Variants in NAV2 observed in about 807,000 individuals in gnomAD.
The protein encoded by NAV2 is neuron navigator 2.
A neutral mutation model predicts 223.2 loss-of-function variants in NAV2; 54 were observed. The observed-to-expected ratio is 0.24, with a 90% confidence interval of 0.19 to 0.30. The LOEUF is 0.30. NAV2 is among the 10% of genes least tolerant of loss of function. The pLI, the probability that NAV2 is intolerant of heterozygous loss-of-function variation, is 1.00. For missense variants in NAV2, 2,806 were observed against 3,147.5 expected (o/e 0.89, Z 2.60); for synonymous variants, 1,279 against 1,239.3 (o/e 1.03, Z -0.67).
At chr11:19,363,544 T>G (rs1367411018) in intron 1 of NAV2, among the ~76,000 whole-genome samples, 3 of 152,228 alleles carry the variant, frequency 2.0e-5, no homozygotes, top group Non-Finnish European at 2.9e-5. Context: ...TTGTGATTCA[T>G]TTCTATCCAC....
intron 1 of NAV2, among the ~76,000 whole-genome samples, chr11:19,448,760 A>G (rs1851680028): frequency 1.3e-5 from 2 of 152,236 alleles, no homozygotes; most frequent in South Asian, 4.1e-4. Flanking sequence ...GATATTGCCT[A>G]ACATATAGTT....
chr11:19,802,915 C>T (rs113517611), intron 1 of NAV2, among the ~76,000 whole-genome samples: 10 of 152,248 alleles, frequency 6.6e-5, no homozygotes, highest in African/African-American at 1.4e-4. Context: ...GAAAAACAGA[C>T]AGAGGGGAGC....
chr11:19,508,388 A>G (rs2043184730), intron 1 of NAV2, among the ~76,000 whole-genome samples: 1 of 152,222 alleles, frequency 6.6e-6, no homozygotes, highest in Non-Finnish European at 1.5e-5. Flanking sequence ...AAATAAGCAT[A>G]CAAGCACAAA....
At chr11:19,481,366 C>T (rs572864856) in intron 1 of NAV2, among the ~76,000 whole-genome samples, 16 of 152,192 alleles carry the variant, frequency 1.1e-4, no homozygotes, top group African/African-American at 3.6e-4. Flanking sequence ...CTCAGTGACA[C>T]CCCAGGTGAG....
At chr11:19,972,395 A>T (rs2049326602) in intron 10 of NAV2, among the ~76,000 whole-genome samples, 1 of 152,092 alleles carries the variant, frequency 6.6e-6, no homozygotes, top group African/African-American at 2.4e-5. Flanking sequence ...TCCGATAGTC[A>T]CCTAGTTTTG....
intron 1 of NAV2, among the ~76,000 whole-genome samples, chr11:19,623,482 C>G (rs1270765307): frequency 1.3e-5 from 2 of 152,122 alleles, no homozygotes; most frequent in African/African-American, 4.8e-5. Context: ...TCTTTTTTCT[C>G]TAAACTTCTC....
rs992173683 is a variant in NAV2, at chr11:19,671,640, G to A, written c.76-160844G>A. Among the ~76,000 whole-genome samples the A allele has an allele frequency of 2.0e-5, 3 of 152,186 alleles. 1 individual carries two copies. The South Asian group carries it at 6.2e-4, about 31-fold the overall frequency. On this transcript the variant is annotated intron_variant, in intron 1 of 37. Transcript: ENST00000360655. Reference sequence around the variant, plus strand: ...CTGAGTTTCAACAGTTTAGAGCAGGGGTTGGCAAATTGTTTCCATAAAGGG... The same window carrying A: ...CTGAGTTTCAACAGTTTAGAGCAGGAGTTGGCAAATTGTTTCCATAAAGGG...
At chr11:19,699,833 G>A (rs1590110661) in intron 1 of NAV2, among the ~76,000 whole-genome samples, 1 of 152,298 alleles carries the variant, frequency 6.6e-6, no homozygotes, top group East Asian at 1.9e-4. Flanking sequence ...TGCAAGTAAA[G>A]TGTCTACAGG....
At chr11:20,091,396 A>G (rs2060841235) in intron 27 of NAV2, among the ~76,000 whole-genome samples, 1 of 152,078 alleles carries the variant, frequency 6.6e-6, no homozygotes, top group Non-Finnish European at 1.5e-5. Flanking sequence ...CCCCCTTTGC[A>G]TCCTTGGAAA....
Position 19,552,458 on chromosome 11 carries a change from C to T in NAV2, c.75+201431C>T, listed in dbSNP as rs919692371. On this transcript the variant is annotated intron_variant, in intron 1 of 37. Coordinates refer to the NAV2 transcript ENST00000360655. ...GGAGCCCAGGGCCTGTCCTGCTGGGCCCTGTGGCCACGGGCACAGGAGCCA... is the reference window on the plus strand; with the variant it reads ...GGAGCCCAGGGCCTGTCCTGCTGGGTCCTGTGGCCACGGGCACAGGAGCCA... Among the ~76,000 whole-genome samples, 3 of 152,148 alleles carry T rather than the reference C, an allele frequency of 2.0e-5. 1 individual carries two copies. The highest frequency in any genetic ancestry group is 1.9e-4 in the East Asian group (1 of 5,170).
At chr11:19,614,877 G>C (rs1030843046) in intron 1 of NAV2, among the ~76,000 whole-genome samples, 3 of 152,124 alleles carry the variant, frequency 2.0e-5, no homozygotes, top group Admixed American at 2.0e-4. Flanking sequence ...TGTGCCTTCT[G>C]TTTTCTGGAT....
At chr11:19,517,570 G>A (rs922641148) in intron 1 of NAV2, among the ~76,000 whole-genome samples, 6 of 152,220 alleles carry the variant, frequency 3.9e-5, no homozygotes, top group Non-Finnish European at 1.5e-5. Flanking sequence ...AAGAGGAGGT[G>A]GTTGAGCATC....
chr11:19,415,447 A>G (rs973718232), intron 1 of NAV2, among the ~76,000 whole-genome samples: 3 of 152,226 alleles, frequency 2.0e-5, no homozygotes, highest in African/African-American at 7.2e-5. Flanking sequence ...TTGAGGCAGT[A>G]ATTAATAGCC....
At chr11:19,514,083 C>T (rs1030371910) in intron 1 of NAV2, among the ~76,000 whole-genome samples, 45 of 147,718 alleles carry the variant, frequency 3.0e-4, no homozygotes, top group African/African-American at 1.0e-3. Flanking sequence ...CTACCCTGCC[C>T]CACCATTTCA....
intron 3 of NAV2, among the ~76,000 whole-genome samples, chr11:19,862,774 A>T (rs564746171): frequency 2.4e-4 from 36 of 152,304 alleles, no homozygotes; most frequent in Middle Eastern, 3.4e-3. Flanking sequence ...AGGTGGACAA[A>T]AAAAAGAAGG....
At chr11:19,723,283 T>C (rs1357152761) in intron 1 of NAV2, among the ~76,000 whole-genome samples, 1 of 152,248 alleles carries the variant, frequency 6.6e-6, no homozygotes, top group Non-Finnish European at 1.5e-5. Context: ...TCTGAGCTGA[T>C]ATTATTGAAC....
At chr11:19,576,052 A>G (rs2045562296) in intron 1 of NAV2, among the ~76,000 whole-genome samples, 1 of 152,234 alleles carries the variant, frequency 6.6e-6, no homozygotes, top group African/African-American at 2.4e-5. Flanking sequence ...AACTGGCCCA[A>G]GATCTCACAT....
chr11:19,492,093 A>T (rs1250049965), intron 1 of NAV2, among the ~76,000 whole-genome samples: 4 of 152,324 alleles, frequency 2.6e-5, no homozygotes, highest in Middle Eastern at 3.4e-3. Context: ...GTGGTACCCA[A>T]AACAATAGTA....
In NAV2 at chr11:19,658,452, A is replaced by C. The variant is rs1027332782; in HGVS notation, c.76-174032A>C. ...GGTCACACAGCTGGAAGGCAGGGGA[A>C]CTAAAATGCTGACGGGGTCTTTGCA... On this transcript the variant is annotated intron_variant, in intron 1 of 37. Transcript: ENST00000360655. Among the ~76,000 whole-genome samples the C allele has an allele frequency of 2.8e-4, 43 of 152,296 alleles. 1 individual carries two copies. The highest frequency in any genetic ancestry group is 2.6e-3 in the Admixed American group (40 of 15,300).
Sources: allele counts gnomAD v4.1 joint callset (sites outside exome capture counted in the v4.1 genomes callset), GRCh38; gene constraint gnomAD v4.1.1; transcripts MANE v1.5; gene names NCBI Gene and HGNC (gene_info 2026-07-23, HGNC 2026-07-21).